The following COLEC10 variants were observed in gnomAD, a reference collection of about 807,000 sequenced individuals.
COLEC10 encodes collectin subfamily member 10, also known as collectin-10.
A neutral mutation model predicts 28.4 loss-of-function variants in COLEC10; 22 were observed. That is an observed-to-expected ratio of 0.78 (90% CI 0.55 to 1.11). The LOEUF is 1.11. COLEC10 is among the 50% of genes least tolerant of loss of function. The pLI, the probability that COLEC10 is intolerant of heterozygous loss-of-function variation, is 0.00. For missense variants in COLEC10, 361 were observed against 344.1 expected, an observed-to-expected ratio of 1.05 and a Z score of -0.39; for synonymous variants, 125 against 116.1, an observed-to-expected ratio of 1.08 and a Z score of -0.49.
chr8:119,087,878 A>AT (rs925205454), intron 1 of COLEC10, among the ~76,000 whole-genome samples: 24 of 151,046 alleles, frequency 1.6e-4, no homozygotes, highest in Non-Finnish European at 2.4e-4. Flanking sequence ...ACATAGTCTC[A>AT]TTTTTTTTTC....
intron 2 of COLEC10, among the ~76,000 whole-genome samples, chr8:119,018,192 C>T (rs1328119646): frequency 2.6e-5 from 4 of 152,160 alleles, no homozygotes; most frequent in African/African-American, 9.6e-5. Context: ...GAGACCTTTA[C>T]TAAAAGTGTC....
intron 3 of COLEC10, 118 bp from the exon 4 acceptor site, chr8:119,102,210 TCCTCCCTCCCTCCCTCCCTC>T (rs200248035): frequency 7.0e-6 from 1 of 143,710 alleles, no homozygotes. Context: ...ATTCACTCCT[TCCTCCCTCCCTCCCTCCCTC>T]CCTCCCTCCC....
At chr8:119,050,960 A>G (rs1013804728) in intron 2 of COLEC10, among the ~76,000 whole-genome samples, 1 of 152,120 alleles carries the variant, frequency 6.6e-6, no homozygotes, top group Admixed American at 6.6e-5. Flanking sequence ...AACTATTAAT[A>G]CTCCAGCTCA....
chr8:119,042,000 T>C (rs1314348088), intron 2 of COLEC10, among the ~76,000 whole-genome samples: 2 of 151,918 alleles, frequency 1.3e-5, no homozygotes, highest in African/African-American at 2.4e-5. Context: ...TGTTTTTGGT[T>C]TTTTTTGGTT....
chr8:119,014,219 A>G (rs952379984), intron 2 of COLEC10, among the ~76,000 whole-genome samples: 82 of 150,442 alleles, frequency 5.5e-4, no homozygotes, highest in Non-Finnish European at 1.0e-3. Context: ...CCTTTTCTTT[A>G]AAGAATTTCT....
chr8:118,992,476 T>A (rs1813519188), upstream of COLEC10, among the ~76,000 whole-genome samples: 1 of 152,172 alleles, frequency 6.6e-6, no homozygotes, highest in South Asian at 2.1e-4. Context: ...GTGTTGCCTA[T>A]AAGTTTATAG....
chr8:118,963,021 G>A, the COLEC10 span, among the ~76,000 whole-genome samples: 1 of 152,130 alleles, frequency 6.6e-6, no homozygotes, highest in African/African-American at 2.4e-5. Context: ...TTAGTGACAA[G>A]TTGAAACTGA....
intron 1 of COLEC10, among the ~76,000 whole-genome samples, chr8:119,083,460 T>C (rs1815407212): frequency 6.6e-6 from 1 of 152,162 alleles, no homozygotes; most frequent in African/African-American, 2.4e-5. Context: ...TGAGTAAGTG[T>C]GATTTCCTGC....
chr8:118,980,239 G>A, the COLEC10 span, among the ~76,000 whole-genome samples: 7 of 143,946 alleles, frequency 4.9e-5, no homozygotes, highest in Admixed American at 3.6e-4. Flanking sequence ...TTTCTCTGTA[G>A]CCCAGGCTGG....
In COLEC10 at chr8:119,027,502, CCAGT is replaced by C; in HGVS notation, n.235+17952_235+17955del. 3.3e-5 allele frequency among the ~76,000 whole-genome samples: 5 copies of C among 152,226 alleles called. No homozygotes were observed. The East Asian group carries it at 9.7e-4, about 29-fold the overall frequency. On this transcript the variant is annotated intron_variant and non_coding_transcript_variant, in intron 2 of 6. Transcript: ENST00000521788. ...AGTGATCTTTTATGCAAATTCAAAT[CCAGT>C]CATCAGTTTCCTCCTTAAAATTCCA...
At chr8:119,080,188 C>T in intron 1 of COLEC10, among the ~76,000 whole-genome samples, 1 of 152,064 alleles carries the variant, frequency 6.6e-6, no homozygotes, top group East Asian at 1.9e-4. Flanking sequence ...AGACTGCGTT[C>T]AGTGTCTCCT....
chr8:118,967,220 C>T, the COLEC10 span, among the ~76,000 whole-genome samples: 1 of 152,084 alleles, frequency 6.6e-6, no homozygotes, highest in Non-Finnish European at 1.5e-5. Context: ...TTTGGAAACA[C>T]TTGATTTATT....
intron 1 of COLEC10, among the ~76,000 whole-genome samples, chr8:119,082,052 G>A (rs1179892770): frequency 6.6e-6 from 1 of 152,114 alleles, no homozygotes; most frequent in African/African-American, 2.4e-5. Flanking sequence ...CAGCAGGGAT[G>A]GGAGGAAAAA....
intron 2 of COLEC10, among the ~76,000 whole-genome samples, chr8:119,057,072 T>G (rs1225006328): frequency 6.6e-6 from 1 of 152,082 alleles, no homozygotes; most frequent in Non-Finnish European, 1.5e-5. Flanking sequence ...GGCTCTGTGT[T>G]GCCACCCAAA....
the COLEC10 span, among the ~76,000 whole-genome samples, chr8:118,976,860 G>T: frequency 6.6e-6 from 1 of 151,764 alleles, no homozygotes; most frequent in Non-Finnish European, 1.5e-5. Context: ...TCTGACAAAG[G>T]GCTAATATCC....
upstream of COLEC10, among the ~76,000 whole-genome samples, chr8:118,994,624 A>G (rs1020768048): frequency 1.3e-5 from 2 of 152,082 alleles, no homozygotes; most frequent in Non-Finnish European, 2.9e-5. Context: ...AGCCATGAGG[A>G]GGCAGAACTG....
intron 2 of COLEC10, among the ~76,000 whole-genome samples, chr8:119,038,337 C>G (rs1814428913): frequency 6.6e-6 from 1 of 152,134 alleles, no homozygotes; most frequent in African/African-American, 2.4e-5. Context: ...TTGCTTTAGC[C>G]CATTCCCTTA....
chr8:119,105,709 T>TA, intron 5 of COLEC10, 91 bp from the exon 6 acceptor site: 1 of 1,160,286 alleles, frequency 8.6e-7, no homozygotes, highest in East Asian at 2.6e-5. Context: ...GAATATTGAA[T>TA]AAATAAATGT....
At chr8:119,023,003 C>G (rs552727176) in intron 2 of COLEC10, among the ~76,000 whole-genome samples, 58 of 152,222 alleles carry the variant, frequency 3.8e-4, no homozygotes, top group African/African-American at 1.3e-3. Context: ...TGCTTACTTA[C>G]TCCACTGGAA....
Sources: gnomAD v4.1 joint callset for allele counts (sites outside exome capture counted in the v4.1 genomes callset) on GRCh38, gnomAD v4.1.1 for gene constraint, MANE v1.5 for transcripts, NCBI Gene and HGNC (gene_info 2026-07-23, HGNC 2026-07-21) for gene names.